The following ACO1 variants were observed in gnomAD, a reference collection of about 807,000 sequenced individuals.
ACO1 encodes the protein aconitase 1, also known as cytoplasmic aconitate hydratase.
A neutral mutation model predicts 105.1 loss-of-function variants in ACO1; 78 were observed. The ratio of observed to expected loss-of-function variants is 0.74; its 90% confidence interval spans 0.62 to 0.90. The LOEUF is 0.90. Among genes scored for constraint, ACO1 ranks in the 40% least tolerant of loss-of-function variants. The probability of loss-of-function intolerance (pLI) is 0.00; values close to 1 mark genes in which losing one functional copy is unlikely to be tolerated. For synonymous variants in ACO1, 364 were observed against 397.4 expected (o/e 0.92, Z 1.00); for missense variants, 965 against 1,111.1 (o/e 0.87, Z 1.87).
chr9:32,411,928 G>T (rs575311970), intron 4 of ACO1, among the ~76,000 whole-genome samples: 1 of 151,782 alleles, frequency 6.6e-6, no homozygotes, highest in Non-Finnish European at 1.5e-5. Flanking sequence ...CCCTAGACCG[G>T]GGTGGCGTGA....
intron 10 of ACO1, among the ~76,000 whole-genome samples, 200 bp from the exon 11 acceptor site, chr9:32,425,638 T>A (rs1822073056): frequency 6.6e-6 from 1 of 152,210 alleles, no homozygotes; most frequent in African/African-American, 2.4e-5. Flanking sequence ...AACGAGTAAT[T>A]TTTCTGTAGC....
intron 1 of ACO1, among the ~76,000 whole-genome samples, chr9:32,402,656 T>A (rs5005316): frequency 6.6e-6 from 1 of 152,016 alleles, no homozygotes; most frequent in Non-Finnish European, 1.5e-5. Flanking sequence ...CAGGGAAAGG[T>A]AGGCTTAGGA....
rs560380999 is a variant in ACO1 at position 32,446,909 on chromosome 9, C to G, written c.2371-1987C>G. On this transcript the variant is annotated intron_variant, in intron 19 of 20. Transcript: ENST00000309951. ...CTTTAAGAATGTTGAATATTGGCCC[C>G]CATTCTCCTCTGGCTTGTAGGGTGT... Among the ~76,000 whole-genome samples, 159 of 152,240 alleles carry G rather than the reference C, an allele frequency of 1.0e-3. 1 individual carries two copies. The highest frequency in any genetic ancestry group is 3.7e-3 in the African/African-American group (154 of 41,544).
At chr9:32,447,046 AC>A (rs1822625808) in intron 19 of ACO1, among the ~76,000 whole-genome samples, 1 of 151,988 alleles carries the variant, frequency 6.6e-6, no homozygotes, top group Non-Finnish European at 1.5e-5. Flanking sequence ...GGTGAATCTG[AC>A]AATTATGGGT....
intron 12 of ACO1, among the ~76,000 whole-genome samples, chr9:32,429,056 A>T (rs572343514): frequency 6.0e-4 from 92 of 152,244 alleles, no homozygotes; most frequent in Non-Finnish European, 1.1e-3. Context: ...GCTTTCTCCA[A>T]TTTCCATATT....
rs1822748449 is a variant in ACO1, at chr9:32,450,745, T to G, written c.*634T>G. The G allele has an allele frequency of 6.6e-6, 1 of 152,060 alleles. No homozygotes were observed. Among genetic ancestry groups the G allele is most frequent in the African/African-American group, 2.4e-5 (1 of 41,310 alleles). The allele number at this position is 152,060 out of a possible 1,614,324, so 9.4% of individuals were successfully genotyped here. On this transcript the variant is annotated 3_prime_UTR_variant, in exon 21 of 21. Transcript: ENST00000309951. ...AAATGTGAAGTTTTCTTTTACTATC[T>G]TTTCATTTATCAAGCAGAGACCTTT... is the stretch of plus-strand genomic sequence containing the variant.
At chr9:32,387,487 A>G (rs915517174) in intron 1 of ACO1, among the ~76,000 whole-genome samples, 2 of 152,148 alleles carry the variant, frequency 1.3e-5, no homozygotes, top group African/African-American at 4.8e-5. Context: ...TTGCCAGCTG[A>G]CACTGCTATT....
chr9:32,418,582 T>A, intron 6 of ACO1, 71 bp downstream of exon 6: 1 of 1,484,282 alleles, frequency 6.7e-7, no homozygotes, highest in Non-Finnish European at 9.1e-7. Context: ...TACATCTCAG[T>A]AACATGAATT....
rs906855255 is a variant in ACO1 at position 32,450,190 on chromosome 9, G to A, written c.*79G>A. On this transcript the variant is annotated 3_prime_UTR_variant, in exon 21 of 21. Coordinates refer to ENST00000309951, the MANE Select transcript of ACO1 (RefSeq NM_002197.3). ...CAGGCCCTGGTGGAGAGGCCTCCCT[G>A]GCTGCCTCTGGGAGGGGTGCTGCCT... The A allele has an allele frequency of 1.1e-5, 12 of 1,119,130 alleles. No homozygotes were observed. Among genetic ancestry groups the A allele is most frequent in the East Asian group, 4.7e-5 (2 of 42,538 alleles). 69.3% of individuals were successfully genotyped at this position (1,119,130 alleles called of 1,614,324 possible).
chr9:32,421,994 TTAAATA>T (rs1352382031), intron 8 of ACO1, among the ~76,000 whole-genome samples: 1 of 152,216 alleles, frequency 6.6e-6, no homozygotes, highest in Non-Finnish European at 1.5e-5. Flanking sequence ...GAAGTTTTTA[TTAAATA>T]TAAACACATT....
intron 19 of ACO1, among the ~76,000 whole-genome samples, chr9:32,445,086 G>C (rs1024510565): frequency 6.6e-6 from 1 of 152,106 alleles, no homozygotes; most frequent in Non-Finnish European, 1.5e-5. Flanking sequence ...TTTTGGTTGT[G>C]TCTCTGCCCG....
chr9:32,401,304 T>G (rs1821490286), intron 1 of ACO1, among the ~76,000 whole-genome samples: 1 of 151,994 alleles, frequency 6.6e-6, no homozygotes, highest in Non-Finnish European at 1.5e-5. Context: ...AGTACTTTTT[T>G]CAACTCTACC....
At chr9:32,423,488 T>C in intron 9 of ACO1, 69 bp downstream of exon 9, 3 of 1,061,702 alleles carry the variant, frequency 2.8e-6, no homozygotes, top group Non-Finnish European at 4.2e-6. Flanking sequence ...TGGTGGTTTT[T>C]CTTGGGGGAA....
chr9:32,453,233 G>A lies in ACO1; in HGVS notation c.*3122G>A, dbSNP rs896129635. ...TATTTTTAATATAGCAAATAAGGAT[G>A]AGGGATGCCCTTCATGTGTATTTAC... is the stretch of plus-strand genomic sequence containing the variant. On this transcript the variant is annotated 3_prime_UTR_variant, in exon 21 of 21. Transcript: ENST00000309951. 1 of 152,032 alleles carries A rather than the reference G, an allele frequency of 6.6e-6. No individual in the cohort carries two copies. The highest frequency in any genetic ancestry group is 1.5e-5 in the Non-Finnish European group (1 of 68,024). 9.4% of individuals were successfully genotyped at this position (152,032 alleles called of 1,614,324 possible). A position where few individuals can be genotyped will look rare whatever the true frequency, so the allele number is the denominator to read the frequency against.
At chr9:32,409,856 G>T (rs1033543669) in intron 4 of ACO1, among the ~76,000 whole-genome samples, 49 of 152,000 alleles carry the variant, frequency 3.2e-4, no homozygotes, top group African/African-American at 1.1e-3. Flanking sequence ...TTAATAAAAT[G>T]TGTTACAAAG....
In ACO1 at chr9:32,441,504, C is replaced by T. The variant is rs140002293; in HGVS notation, c.2370+917C>T. Reference sequence around the variant, plus strand: ...TTAGGCTTCTGATAATGTCTTTGAACATCACACCTATTATTTTAATTGGTT... The same window carrying T: ...TTAGGCTTCTGATAATGTCTTTGAATATCACACCTATTATTTTAATTGGTT... On this transcript the variant is annotated intron_variant, in intron 19 of 20. Coordinates refer to ENST00000309951, the MANE Select transcript of ACO1 (RefSeq NM_002197.3). Among the ~76,000 whole-genome samples, 605 of 152,286 alleles carry T rather than the reference C, an allele frequency of 4.0e-3. 4 individuals carry two copies. The highest frequency in any genetic ancestry group is 0.014 in the African/African-American group (565 of 41,540).
intron 19 of ACO1, among the ~76,000 whole-genome samples, chr9:32,446,308 C>T (rs1011170666): frequency 3.3e-5 from 5 of 152,172 alleles, no homozygotes; most frequent in African/African-American, 4.8e-5. Context: ...GGATAGTTAG[C>T]TCTTCTTGTT....
intron 19 of ACO1, among the ~76,000 whole-genome samples, chr9:32,444,878 G>C (rs914846439): frequency 6.6e-6 from 1 of 152,098 alleles, no homozygotes; most frequent in Admixed American, 6.5e-5. Context: ...ATAATCATGT[G>C]GTTTTTGTCT....
intron 4 of ACO1, among the ~76,000 whole-genome samples, chr9:32,409,322 C>T (rs1377987583): frequency 1.3e-5 from 2 of 152,162 alleles, no homozygotes; most frequent in South Asian, 2.1e-4. Context: ...CTCTCAGCTC[C>T]CTGAATGCAA....
Sources: gnomAD v4.1 joint callset for allele counts (sites outside exome capture counted in the v4.1 genomes callset) on GRCh38, gnomAD v4.1.1 for gene constraint, MANE v1.5 for transcripts, NCBI Gene and HGNC (gene_info 2026-07-23, HGNC 2026-07-21) for gene names.